EXT1: variants seen among roughly 807,000 people sequenced by gnomAD.
EXT1 encodes exostosin-1.
A neutral mutation model predicts 82.5 loss-of-function variants in EXT1; 20 were observed. The observed-to-expected ratio is 0.24, with a 90% CI of 0.17 to 0.35. The LOEUF is 0.35. Among genes scored for constraint, EXT1 ranks in the 10% least tolerant of loss-of-function variants. EXT1 has a pLI of 1.00. For missense variants in EXT1, 757 were observed against 936.5 expected (o/e 0.81, Z 2.50); for synonymous variants, 348 against 350.8 (o/e 0.99, Z 0.09).
chr8:117,959,947 C>T (rs1814667054), intron 1 of EXT1, among the ~76,000 whole-genome samples: 1 of 152,206 alleles, frequency 6.6e-6, no homozygotes, highest in Admixed American at 6.5e-5. Flanking sequence ...GTCATGGTTG[C>T]TCACGCCTGT....
intron 4 of EXT1, among the ~76,000 whole-genome samples, chr8:117,826,964 G>A (rs1011214340): frequency 6.6e-6 from 1 of 152,104 alleles, no homozygotes; most frequent in Non-Finnish European, 1.5e-5. Flanking sequence ...AACTTAATAG[G>A]TGAGAGACCA....
chr8:117,928,656 C>T lies in EXT1; in HGVS notation c.963-91455G>A, dbSNP rs562410124. ...GGAGGCTGAGAGATCTTGCTTGCAA[C>T]TGGTTCAGATATCACATCTAATAAT... On this transcript the variant is annotated intron_variant, in intron 1 of 10. Coordinates refer to ENST00000378204, the MANE Select transcript of EXT1 (RefSeq NM_000127.3). Among the ~76,000 whole-genome samples the T allele has an allele frequency of 6.4e-4, 97 of 152,154 alleles. 1 individual carries two copies. The highest frequency in any genetic ancestry group is 2.3e-3 in the African/African-American group (96 of 41,512).
At chr8:117,854,757 C>T (rs983873975) in intron 1 of EXT1, among the ~76,000 whole-genome samples, 5 of 152,208 alleles carry the variant, frequency 3.3e-5, no homozygotes, top group Admixed American at 2.6e-4. Flanking sequence ...GGTCCCATTT[C>T]ACAGCTGCAC....
At chr8:118,085,264 A>G (rs1817395603) in intron 1 of EXT1, among the ~76,000 whole-genome samples, 2 of 152,182 alleles carry the variant, frequency 1.3e-5, no homozygotes, top group African/African-American at 4.8e-5. Context: ...CCATGGGAAC[A>G]ATGGGAGGAA....
chr8:118,073,891 A>G (rs773700596), intron 1 of EXT1, among the ~76,000 whole-genome samples: 2 of 152,168 alleles, frequency 1.3e-5, no homozygotes, highest in African/African-American at 2.4e-5. Flanking sequence ...CATCTTTCCA[A>G]CGGTCCCTTG....
chr8:117,875,179 G>T (rs1444951498), intron 1 of EXT1, among the ~76,000 whole-genome samples: 3 of 152,184 alleles, frequency 2.0e-5, no homozygotes, highest in African/African-American at 7.2e-5. Context: ...CACTTTGGGG[G>T]GCCAAGGCAG....
intron 1 of EXT1, among the ~76,000 whole-genome samples, chr8:118,023,816 A>G (rs1034415499): frequency 2.6e-5 from 4 of 152,380 alleles, no homozygotes; most frequent in African/African-American, 9.6e-5. Flanking sequence ...GCAAGACTTG[A>G]GCACAGATAC....
chr8:118,067,047 A>G (rs1379314983), intron 1 of EXT1, among the ~76,000 whole-genome samples: 1 of 152,244 alleles, frequency 6.6e-6, no homozygotes, highest in East Asian at 1.9e-4. Flanking sequence ...TAACATAGCC[A>G]CAATTCTCTC....
At chr8:117,831,245 T>C (rs143922690) in intron 3 of EXT1, among the ~76,000 whole-genome samples, 108 of 152,316 alleles carry the variant, frequency 7.1e-4, no homozygotes, top group African/African-American at 2.4e-3. Context: ...GTTAGCTGAT[T>C]TCTCAAAGAC....
chr8:117,859,682 T>C (rs1812646219), intron 1 of EXT1, among the ~76,000 whole-genome samples: 3 of 152,268 alleles, frequency 2.0e-5, no homozygotes. Flanking sequence ...TCTATTTTGT[T>C]ACTTTGGAAG....
chr8:117,858,766 A>AAGGAAGGAAGGCAGGCAGGC (rs1289892313), intron 1 of EXT1, among the ~76,000 whole-genome samples: 71 of 54,638 alleles, frequency 1.3e-3, no homozygotes, highest in African/African-American at 5.6e-3. Flanking sequence ...GGAAGGAAGG[A>AAGGAAGGAAGGCAGGCAGGC]AGGCAGGCAG....
At chr8:118,044,481 C>A (rs188171197) in intron 1 of EXT1, among the ~76,000 whole-genome samples, 2 of 152,022 alleles carry the variant, frequency 1.3e-5, no homozygotes, top group East Asian at 3.9e-4. Context: ...GATCATAGCT[C>A]ATTGCAACCG....
chr8:117,819,855 C>A, intron 5 of EXT1, 61 bp from the exon 6 acceptor site: 1 of 1,448,376 alleles, frequency 6.9e-7, no homozygotes, highest in Non-Finnish European at 9.7e-7. Flanking sequence ...TAGAAAATTA[C>A]TCCTCCTTGC....
chr8:117,819,125 T>C (rs1811877996), intron 6 of EXT1, among the ~76,000 whole-genome samples: 2 of 152,234 alleles, frequency 1.3e-5, no homozygotes, highest in Admixed American at 1.3e-4. Context: ...TTGTAAACCT[T>C]CTTGTATAAA....
chr8:117,864,812 T>C (rs1812748157), intron 1 of EXT1, among the ~76,000 whole-genome samples: 2 of 151,446 alleles, frequency 1.3e-5, no homozygotes, highest in Admixed American at 1.3e-4. Context: ...AAGTTATGAA[T>C]TTGTGTTGGG....
intron 8 of EXT1, among the ~76,000 whole-genome samples, chr8:117,810,181 T>A (rs1037873018): frequency 6.6e-6 from 1 of 152,230 alleles, no homozygotes; most frequent in Non-Finnish European, 1.5e-5. Context: ...TGTAAATAAC[T>A]ATAAACCAAC....
intron 10 of EXT1, 53 bp from the exon 11 acceptor site, chr8:117,799,950 T>C: frequency 6.4e-7 from 1 of 1,572,812 alleles, no homozygotes; most frequent in Non-Finnish European, 8.7e-7. Context: ...CAAGGTGAGA[T>C]GGAAACATTG....
Position 117,880,051 on chromosome 8 carries a change from T to C in EXT1, c.963-42850A>G, listed in dbSNP as rs576567173. Among the ~76,000 whole-genome samples, 3 of 152,332 alleles carry C rather than the reference T, an allele frequency of 2.0e-5. No homozygotes were observed. In the South Asian group the frequency reaches 6.2e-4, roughly 32 times the overall value. On this transcript the variant is annotated intron_variant, in intron 1 of 10. Coordinates refer to ENST00000378204, the MANE Select transcript of EXT1 (RefSeq NM_000127.3). ...CCCAGGAGCAATAATTCTCTATGCATAATCATGAATGAAATTCCCTTACCA... is the reference window on the plus strand; with the variant it reads ...CCCAGGAGCAATAATTCTCTATGCACAATCATGAATGAAATTCCCTTACCA...
intron 1 of EXT1, among the ~76,000 whole-genome samples, chr8:117,896,803 T>C (rs1563594219): frequency 1.3e-5 from 2 of 152,112 alleles, no homozygotes; most frequent in Admixed American, 6.5e-5. Context: ...TTAATTACAT[T>C]GAGAGAAAGA....
Sources: gnomAD v4.1 joint callset for allele counts (sites outside exome capture counted in the v4.1 genomes callset) on GRCh38, gnomAD v4.1.1 for gene constraint, MANE v1.5 for transcripts, NCBI Gene and HGNC (gene_info 2026-07-23, HGNC 2026-07-21) for gene names.